Variants in S100Z observed in about 807,000 individuals in gnomAD.
The protein encoded by S100Z is S100 calcium binding protein Z.
In S100Z, 11 loss-of-function variants were observed where a neutral mutation model predicts 8.5. The observed-to-expected ratio is 1.30, with a 90% confidence interval of 0.82 to 2.15. The LOEUF (loss-of-function observed/expected upper bound fraction) is 2.15, where lower values mean the gene tolerates loss of function less well. S100Z is among the 30% of genes most tolerant of loss of function. S100Z has a pLI of 0.00. For synonymous variants in S100Z, 34 were observed against 43.8 expected (o/e 0.78, Z 0.89); for missense variants, 126 against 117.9 (o/e 1.07, Z -0.32).
the S100Z span, among the ~76,000 whole-genome samples, chr5:76,929,377 T>C: frequency 1.6e-4 from 24 of 152,184 alleles, no homozygotes; most frequent in Admixed American, 1.6e-3. Flanking sequence ...GCTGGACCAA[T>C]TGAACAATTT....
rs1580072507 is a variant in S100Z, at chr5:76,921,142, A to G, written c.*428A>G. 4.6e-5 allele frequency: 7 copies of G among 152,338 alleles called. 1 individual carries two copies. In the South Asian group the frequency reaches 1.5e-3, roughly 32 times the overall value. 9.4% of individuals were successfully genotyped at this position (152,338 alleles called of 1,614,324 possible). Reference sequence around the variant, plus strand: ...TTTCCCTAGGTCCATGTATCTATATATCTATGGTTCATAAAAATGAGATTA... The same window carrying G: ...TTTCCCTAGGTCCATGTATCTATATGTCTATGGTTCATAAAAATGAGATTA... On this transcript the variant is annotated 3_prime_UTR_variant, in exon 5 of 5. Transcript: ENST00000317593.
intron 4 of S100Z, among the ~76,000 whole-genome samples, chr5:76,895,486 AC>A (rs1217594273): frequency 2.6e-5 from 4 of 151,920 alleles, no homozygotes; most frequent in Non-Finnish European, 5.9e-5. Context: ...TTAAAAAAAA[AC>A]CCCTGATGTC....
chr5:76,868,182 G>A (rs1742854817), intron 1 of S100Z, among the ~76,000 whole-genome samples: 1 of 152,126 alleles, frequency 6.6e-6, no homozygotes, highest in Admixed American at 6.5e-5. Flanking sequence ...GGCTGAGGCT[G>A]GGTTATATAA....
intron 4 of S100Z, among the ~76,000 whole-genome samples, chr5:76,904,846 C>T (rs1472551858): frequency 6.6e-6 from 1 of 152,104 alleles, no homozygotes; most frequent in East Asian, 1.9e-4. Context: ...TACCCAGCCT[C>T]ACTTTTCATT....
chr5:76,925,828 G>A (rs1351475382), downstream of S100Z, among the ~76,000 whole-genome samples: 1 of 152,110 alleles, frequency 6.6e-6, no homozygotes. Context: ...TTAGCAGGGT[G>A]TGGTGGCGTG....
At chr5:76,875,037 C>T (rs1743134636) in intron 2 of S100Z, among the ~76,000 whole-genome samples, 1 of 152,110 alleles carries the variant, frequency 6.6e-6, no homozygotes, top group African/African-American at 2.4e-5. Flanking sequence ...TACAGGCGCC[C>T]GCCGCCGCGC....
At chr5:76,949,278 A>G in the S100Z span, among the ~76,000 whole-genome samples, 8 of 152,134 alleles carry the variant, frequency 5.3e-5, no homozygotes, top group Middle Eastern at 3.4e-3. Flanking sequence ...AGTACCAGCT[A>G]CTCGGGAGGC....
chr5:76,892,654 GAAAA>G lies in S100Z; in HGVS notation c.*2+14826_*2+14829del, dbSNP rs1182452819. Among the ~76,000 whole-genome samples, 10 of 150,030 alleles carry G rather than the reference GAAAA, an allele frequency of 6.7e-5. No individual in the cohort carries two copies. In the East Asian group the frequency reaches 1.8e-3, roughly 26 times the overall value. On this transcript the variant is annotated intron_variant, in intron 4 of 4. Transcript: ENST00000317593. ...AGTGGGCAGTCAGGGAAAGAAGAAA[GAAAA>G]AAAAAGGCAGGGGCAGGAGAATAAA...
intron 1 of S100Z, among the ~76,000 whole-genome samples, chr5:76,856,054 T>C (rs906650920): frequency 1.3e-5 from 2 of 152,082 alleles, no homozygotes; most frequent in African/African-American, 4.8e-5. Flanking sequence ...TCCTCCTCCT[T>C]CCTCCTCCTC....
chr5:76,863,830 G>A (rs111621463), intron 1 of S100Z, among the ~76,000 whole-genome samples: 3,187 of 152,222 alleles, frequency 0.021, 94 homozygotes, highest in African/African-American at 0.067. Flanking sequence ...GAGCCACTGC[G>A]CCCGGCCAAT....
At chr5:76,870,816 A>G (rs545596913) in intron 2 of S100Z, among the ~76,000 whole-genome samples, 9 of 152,044 alleles carry the variant, frequency 5.9e-5, no homozygotes, top group Non-Finnish European at 1.2e-4. Context: ...GGAGAGGGGA[A>G]AGTGCTTTAA....
intron 1 of S100Z, among the ~76,000 whole-genome samples, chr5:76,868,904 G>A (rs1451221138): frequency 6.6e-6 from 1 of 152,216 alleles, no homozygotes. Flanking sequence ...GATTACAGGC[G>A]TGAGCCACCA....
chr5:76,926,099 G>T (rs963205901), downstream of S100Z, among the ~76,000 whole-genome samples: 9 of 152,150 alleles, frequency 5.9e-5, no homozygotes, highest in African/African-American at 2.2e-4. Flanking sequence ...AAATTACTGG[G>T]CAGAGCAGAG....
the S100Z span, among the ~76,000 whole-genome samples, chr5:76,937,333 A>AT: frequency 5.0e-3 from 752 of 150,164 alleles, 1 homozygote; most frequent in African/African-American, 0.016. Context: ...GTAATGTTTG[A>AT]TTTTTTTTTT....
At chr5:76,925,840 A>G (rs568023603), downstream of S100Z, among the ~76,000 whole-genome samples, 7 of 152,018 alleles carry the variant, frequency 4.6e-5, no homozygotes, top group Non-Finnish European at 8.8e-5. Context: ...GGTGGCGTGC[A>G]CCTGTAGTCC....
intron 4 of S100Z, among the ~76,000 whole-genome samples, chr5:76,884,462 G>A (rs56975406): frequency 0.53 from 80,446 of 152,010 alleles, 23,926 homozygotes; most frequent in Non-Finnish European, 0.66. Flanking sequence ...CCATTCATCC[G>A]GGGAGAGGGT....
chr5:76,929,242 G>A, the S100Z span, among the ~76,000 whole-genome samples: 1 of 152,210 alleles, frequency 6.6e-6, no homozygotes, highest in African/African-American at 2.4e-5. Flanking sequence ...ACATGGCAGA[G>A]AGAAGGGTGA....
In S100Z at chr5:76,906,970, GTGTGTGTATATA is replaced by G. The variant is rs1160397702; in HGVS notation, c.*3-13745_*3-13734del. On this transcript the variant is annotated intron_variant, in intron 4 of 4. Coordinates refer to ENST00000317593, the MANE Select transcript of S100Z (RefSeq NM_130772.4). Reference sequence around the variant, plus strand: ...TAAAGGCTGAATAGTATTCCATTGTGTGTGTGTATATATATATATATATATATATATATATAT... The same window carrying G: ...TAAAGGCTGAATAGTATTCCATTGTGTATATATATATATATATATATATAT... Among the ~76,000 whole-genome samples, 168 of 26,060 alleles carry G rather than the reference GTGTGTGTATATA, an allele frequency of 6.4e-3. 1 individual carries two copies. Among genetic ancestry groups the G allele is most frequent in the African/African-American group, 0.047 (138 of 2,954 alleles). 17.1% of individuals were successfully genotyped at this position (26,060 alleles called of 152,430 possible). A position where few individuals can be genotyped will look rare whatever the true frequency, so the allele number is the denominator to read the frequency against.
At chr5:76,888,068 T>A (rs969597089) in intron 4 of S100Z, among the ~76,000 whole-genome samples, 36 of 151,584 alleles carry the variant, frequency 2.4e-4, no homozygotes. Context: ...CCAGCCTGGT[T>A]AATATGGTGA....
Sources: allele counts gnomAD v4.1 joint callset (sites outside exome capture counted in the v4.1 genomes callset), GRCh38; gene constraint gnomAD v4.1.1; transcripts MANE v1.5; gene names NCBI Gene and HGNC (gene_info 2026-07-23, HGNC 2026-07-21).